TENM2: variants seen among roughly 807,000 people sequenced by gnomAD.
TENM2 encodes teneurin-2.
TENM2 carries 52 observed loss-of-function variants against 245.2 expected under a neutral mutation model. That is an observed-to-expected ratio of 0.21 (90% CI 0.17 to 0.27). TENM2 has a LOEUF of 0.27. Among genes scored for constraint, TENM2 ranks in the 10% least tolerant of loss-of-function variants. TENM2 has a pLI of 1.00. For missense variants in TENM2, 3,046 were observed against 3,666.8 expected (o/e 0.83, Z 4.37); for synonymous variants, 1,363 against 1,438.9 (o/e 0.95, Z 1.19).
chr5:167,331,442 T>C (rs1243691986), intron 1 of TENM2, among the ~76,000 whole-genome samples: 1 of 152,162 alleles, frequency 6.6e-6, no homozygotes, highest in Non-Finnish European at 1.5e-5. Context: ...ATTATGATCA[T>C]GGCCCTTTAA....
chr5:167,556,818 A>T (rs1247030667), intron 2 of TENM2, among the ~76,000 whole-genome samples: 1 of 152,006 alleles, frequency 6.6e-6, no homozygotes, highest in Non-Finnish European at 1.5e-5. Context: ...TGCAGCAAGT[A>T]CCCCCCATCC....
chr5:167,183,305 A>G, the TENM2 span, among the ~76,000 whole-genome samples: 5 of 152,296 alleles, frequency 3.3e-5, no homozygotes, highest in African/African-American at 1.2e-4. Flanking sequence ...ATCTTTCCTC[A>G]ATTTCCCAGT....
At chr5:167,986,011 T>TG (rs1398451680) in intron 4 of TENM2, among the ~76,000 whole-genome samples, 1 of 152,226 alleles carries the variant, frequency 6.6e-6, no homozygotes, top group African/African-American at 2.4e-5. Context: ...TTTGAATTGG[T>TG]GGGGGCTCTT....
chr5:167,353,546 C>A (rs542060832), intron 1 of TENM2, among the ~76,000 whole-genome samples: 11 of 107,256 alleles, frequency 1.0e-4, no homozygotes, highest in Admixed American at 7.7e-4. Flanking sequence ...CTCGCTCTGT[C>A]GCCCAGGCTG....
chr5:167,368,630 C>T (rs1760207156), intron 1 of TENM2, among the ~76,000 whole-genome samples: 1 of 152,104 alleles, frequency 6.6e-6, no homozygotes, highest in South Asian at 2.1e-4. Context: ...CCTCTTCTGA[C>T]ACTGAGCCGA....
chr5:167,644,538 A>C (rs1475711629), intron 2 of TENM2, among the ~76,000 whole-genome samples: 2 of 152,194 alleles, frequency 1.3e-5, no homozygotes, highest in African/African-American at 4.8e-5. Flanking sequence ...AGTAAATGGT[A>C]GCTACTATTT....
chr5:167,644,829 A>T (rs1779827495), intron 2 of TENM2, among the ~76,000 whole-genome samples: 1 of 152,220 alleles, frequency 6.6e-6, no homozygotes. Flanking sequence ...AGTGACGTAC[A>T]GTCATGCATC....
chr5:167,525,409 C>T (rs1771045595), intron 2 of TENM2, among the ~76,000 whole-genome samples: 1 of 152,078 alleles, frequency 6.6e-6, no homozygotes, highest in African/African-American at 2.4e-5. Flanking sequence ...TCTTGAGGCT[C>T]CACGTACCAA....
chr5:167,760,168 C>G (rs902714441), intron 2 of TENM2, among the ~76,000 whole-genome samples: 11 of 152,148 alleles, frequency 7.2e-5, no homozygotes, highest in Non-Finnish European at 1.3e-4. Flanking sequence ...ATTTTATCCT[C>G]AATGGCTTTG....
chr5:167,737,685 C>G (rs900083560), intron 2 of TENM2, among the ~76,000 whole-genome samples: 1 of 152,178 alleles, frequency 6.6e-6, no homozygotes, highest in African/African-American at 2.4e-5. Context: ...GCTCTGCAGT[C>G]ACGGCTACAG....
the TENM2 span, among the ~76,000 whole-genome samples, chr5:167,147,231 G>A: frequency 6.6e-6 from 1 of 152,148 alleles, no homozygotes. Flanking sequence ...ATCTCTTAGA[G>A]GAAATGAAGG....
At chr5:167,661,620 G>A (rs1194001173) in intron 2 of TENM2, among the ~76,000 whole-genome samples, 1 of 152,162 alleles carries the variant, frequency 6.6e-6, no homozygotes, top group African/African-American at 2.4e-5. Context: ...TCTAAACCCA[G>A]TTCAAACTGA....
the TENM2 span, among the ~76,000 whole-genome samples, chr5:167,043,890 C>A: frequency 6.6e-6 from 1 of 151,968 alleles, no homozygotes; most frequent in African/African-American, 2.4e-5. Flanking sequence ...TATGGTGGCA[C>A]ACACCTGTAG....
chr5:167,512,522 T>C (rs1345338062), intron 2 of TENM2, among the ~76,000 whole-genome samples: 1 of 152,234 alleles, frequency 6.6e-6, no homozygotes, highest in Non-Finnish European at 1.5e-5. Flanking sequence ...AATCTTTTGC[T>C]GTAATGAATT....
chr5:167,347,425 C>T (rs1758531315), intron 1 of TENM2, among the ~76,000 whole-genome samples: 2 of 152,238 alleles, frequency 1.3e-5, no homozygotes, highest in East Asian at 1.9e-4. Flanking sequence ...GCTTCCTTAT[C>T]GATAAGTGTA....
At chr5:167,333,863 G>GC (rs1396237720) in intron 1 of TENM2, among the ~76,000 whole-genome samples, 22 of 152,072 alleles carry the variant, frequency 1.4e-4, no homozygotes, top group Admixed American at 3.3e-4. Context: ...GGGTACCTTG[G>GC]CTTCACTCTG....
intron 2 of TENM2, among the ~76,000 whole-genome samples, chr5:167,427,128 G>C (rs1763875558): frequency 6.6e-6 from 1 of 151,918 alleles, no homozygotes; most frequent in Admixed American, 6.6e-5. Flanking sequence ...GAGAAAGAAA[G>C]AGAAAGAAAA....
At chr5:167,583,238 C>A (rs980137528) in intron 2 of TENM2, among the ~76,000 whole-genome samples, 4 of 152,078 alleles carry the variant, frequency 2.6e-5, no homozygotes, top group African/African-American at 9.7e-5. Flanking sequence ...TGGCTTAGAA[C>A]TTAATATGCC....
At chr5:167,276,030 G>C in the TENM2 span, among the ~76,000 whole-genome samples, 3 of 151,866 alleles carry the variant, frequency 2.0e-5, no homozygotes, top group African/African-American at 7.3e-5. Flanking sequence ...TCTGAGTCTT[G>C]CATCCTCAGA....
Sources: gnomAD v4.1 joint callset for allele counts (sites outside exome capture counted in the v4.1 genomes callset) on GRCh38, gnomAD v4.1.1 for gene constraint, MANE v1.5 for transcripts, NCBI Gene and HGNC (gene_info 2026-07-23, HGNC 2026-07-21) for gene names.